GRIK4: variants seen among roughly 807,000 people sequenced by gnomAD.
GRIK4 encodes glutamate receptor ionotropic, kainate 4.
GRIK4 carries 40 observed loss-of-function variants against 104.9 expected under a neutral mutation model. The observed-to-expected ratio is 0.38, with a 90% CI of 0.30 to 0.50. The LOEUF (loss-of-function observed/expected upper bound fraction) is 0.50, where lower values mean the gene tolerates loss of function less well. Among genes scored for constraint, GRIK4 ranks in the 20% least tolerant of loss-of-function variants. The pLI is 0.93. For synonymous variants in GRIK4, 485 were observed against 524.9 expected, an observed-to-expected ratio of 0.92 and a Z score of 1.04; for missense variants, 1,047 against 1,308.1, an observed-to-expected ratio of 0.80 and a Z score of 3.08.
At chr11:120,660,232 C>T (rs368801564) in intron 2 of GRIK4, 37 bp from the exon 3 acceptor site, 7 of 905,124 alleles carry the variant, frequency 7.7e-6, no homozygotes, top group South Asian at 4.2e-5. Context: ...CTAGCTGGAG[C>T]CTGGGACTCA....
In GRIK4 at chr11:120,511,863, G is replaced by GC; in HGVS notation, c.-178dup. On this transcript the variant is annotated 5_prime_UTR_variant, in exon 1 of 21. Coordinates refer to ENST00000527524, the MANE Select transcript of GRIK4 (RefSeq NM_014619.5). ...CCGGCAGCGCCCGGCCCCCGGCTCAGCCCCCGGAGTGCGGAGCCGACCAGG... is the reference window on the plus strand; with the variant it reads ...CCGGCAGCGCCCGGCCCCCGGCTCAGCCCCCCGGAGTGCGGAGCCGACCAGG... 2 of 335,012 alleles carry GC rather than the reference G, an allele frequency of 6.0e-6. No homozygotes were observed. Among genetic ancestry groups the GC allele is most frequent in the Non-Finnish European group, 6.1e-6 (1 of 164,032 alleles). 20.8% of individuals were successfully genotyped at this position (335,012 alleles called of 1,614,324 possible).
chr11:120,911,240 CTTTTTT>C (rs202173501), intron 13 of GRIK4, among the ~76,000 whole-genome samples: 1 of 137,736 alleles, frequency 7.3e-6, no homozygotes, highest in Admixed American at 7.3e-5. Flanking sequence ...CCAAAATTCT[CTTTTTT>C]TTTTTTTTTT....
At chr11:120,985,323 G>A (rs1944723577) in intron 20 of GRIK4, among the ~76,000 whole-genome samples, 2 of 152,136 alleles carry the variant, frequency 1.3e-5, no homozygotes, top group Middle Eastern at 3.4e-3. Flanking sequence ...AGACCCACCG[G>A]GTGTGATACA....
chr11:120,644,644 A>G (rs1263494663), intron 1 of GRIK4, among the ~76,000 whole-genome samples: 2 of 152,202 alleles, frequency 1.3e-5, no homozygotes, highest in Non-Finnish European at 2.9e-5. Flanking sequence ...TCTTGCAGCC[A>G]GGCCAGGAGG....
intron 6 of GRIK4, among the ~76,000 whole-genome samples, chr11:120,827,955 A>G (rs758683668): frequency 2.0e-5 from 3 of 152,154 alleles, no homozygotes; most frequent in Admixed American, 2.0e-4. Flanking sequence ...CCACTCCCTC[A>G]TGACTCCTGG....
At chr11:120,947,227 C>T (rs577594273) in intron 14 of GRIK4, among the ~76,000 whole-genome samples, 145 of 152,124 alleles carry the variant, frequency 9.5e-4, no homozygotes, top group African/African-American at 2.8e-3. Context: ...CATGGTGAAA[C>T]GCCATCTCTA....
At chr11:120,821,593 A>C (rs1034671929) in intron 6 of GRIK4, among the ~76,000 whole-genome samples, 5 of 152,234 alleles carry the variant, frequency 3.3e-5, no homozygotes, top group Admixed American at 6.5e-5. Flanking sequence ...TTGTGGAACA[A>C]CTGGTTTTGG....
At chr11:120,703,987 A>G (rs1432786342) in intron 3 of GRIK4, among the ~76,000 whole-genome samples, 1 of 152,218 alleles carries the variant, frequency 6.6e-6, no homozygotes, top group Non-Finnish European at 1.5e-5. Flanking sequence ...TTAGAACCAC[A>G]TAGTTTTAGT....
intron 1 of GRIK4, among the ~76,000 whole-genome samples, chr11:120,592,014 G>T (rs1366010234): frequency 6.6e-6 from 1 of 152,144 alleles, no homozygotes; most frequent in East Asian, 1.9e-4. Flanking sequence ...CTCCACTCAG[G>T]TCACAAAGCC....
chr11:120,938,441 A>C (rs1386290248), intron 13 of GRIK4, among the ~76,000 whole-genome samples: 4 of 152,190 alleles, frequency 2.6e-5, no homozygotes, highest in Non-Finnish European at 4.4e-5. Flanking sequence ...TAAGGCTCCG[A>C]GTTTGTTAAG....
chr11:120,645,062 G>A (rs1002109597), intron 1 of GRIK4, among the ~76,000 whole-genome samples: 9 of 152,166 alleles, frequency 5.9e-5, no homozygotes, highest in African/African-American at 7.2e-5. Flanking sequence ...ACATATGTGT[G>A]TACGGTATGC....
chr11:120,655,983 G>A (rs113983212), intron 2 of GRIK4, among the ~76,000 whole-genome samples: 5 of 152,304 alleles, frequency 3.3e-5, no homozygotes, highest in African/African-American at 1.2e-4. Context: ...CAATGCCACA[G>A]CATGCAGGTG....
chr11:120,566,812 C>G (rs1006336080), intron 1 of GRIK4, among the ~76,000 whole-genome samples: 1 of 150,358 alleles, frequency 6.7e-6, no homozygotes, highest in East Asian at 2.0e-4. Context: ...CAAGTGATTC[C>G]CTTGCCCCAG....
chr11:120,892,188 G>A lies in GRIK4; in HGVS notation c.1165-6344G>A, dbSNP rs77419614. Among the ~76,000 whole-genome samples, 1,283 of 152,210 alleles carry A rather than the reference G, an allele frequency of 8.4e-3. 15 individuals carry two copies. Among genetic ancestry groups the A allele is most frequent in the African/African-American group, 0.027 (1,122 of 41,510 alleles). The stretch of plus-strand genomic sequence containing the variant: ...GAAGGAGCCTGTTGCACTTGAACGC[G>A]GGAGGAAGGTAGGTGTGGCTGCAGC... On this transcript the variant is annotated intron_variant, in intron 11 of 20. Coordinates refer to ENST00000527524, the MANE Select transcript of GRIK4 (RefSeq NM_014619.5).
chr11:120,722,437 C>T (rs1591835330), intron 3 of GRIK4, among the ~76,000 whole-genome samples: 1 of 151,900 alleles, frequency 6.6e-6, no homozygotes, highest in African/African-American at 2.4e-5. Context: ...GGTAAAACCC[C>T]GTCTCTACTA....
chr11:120,674,186 A>G (rs1950064610), intron 3 of GRIK4, among the ~76,000 whole-genome samples: 1 of 152,038 alleles, frequency 6.6e-6, no homozygotes, highest in Admixed American at 6.6e-5. Flanking sequence ...CCTCTAAATC[A>G]GTTTTCTTTT....
chr11:120,879,494 G>T (rs557523362), intron 11 of GRIK4, among the ~76,000 whole-genome samples: 1 of 152,166 alleles, frequency 6.6e-6, no homozygotes, highest in Admixed American at 6.5e-5. Context: ...ATTCTCTGCC[G>T]GTGGCTGATT....
At chr11:120,847,141 A>G (rs191115873) in intron 8 of GRIK4, among the ~76,000 whole-genome samples, 36 of 152,334 alleles carry the variant, frequency 2.4e-4, no homozygotes, top group Admixed American at 5.9e-4. Flanking sequence ...CATCTAACTA[A>G]ATCTCATCCT....
At chr11:120,566,978 T>C in intron 1 of GRIK4, among the ~76,000 whole-genome samples, 1 of 145,104 alleles carries the variant, frequency 6.9e-6, no homozygotes, top group Admixed American at 6.8e-5. Flanking sequence ...ATTTTTTTTT[T>C]TTTTTTTTTT....
Sources: allele counts gnomAD v4.1 joint callset (sites outside exome capture counted in the v4.1 genomes callset), GRCh38; gene constraint gnomAD v4.1.1; transcripts MANE v1.5; gene names NCBI Gene and HGNC (gene_info 2026-07-23, HGNC 2026-07-21).